KATNIP: variants seen among roughly 807,000 people sequenced by gnomAD.
The protein encoded by KATNIP is katanin-interacting protein.
KATNIP carries 126 observed loss-of-function variants against 174.0 expected under a neutral mutation model. That is an observed-to-expected ratio of 0.72 (90% CI 0.63 to 0.84). KATNIP has a LOEUF of 0.84. Among genes scored for constraint, KATNIP ranks in the 40% least tolerant of loss-of-function variants. KATNIP has a pLI of 0.00. For synonymous variants in KATNIP, 810 were observed against 835.7 expected, an observed-to-expected ratio of 0.97 and a Z score of 0.53; for missense variants, 1,958 against 2,109.7, an observed-to-expected ratio of 0.93 and a Z score of 1.41.
chr16:27,574,846 C>T (rs1410278730), intron 2 of KATNIP, among the ~76,000 whole-genome samples: 1 of 152,172 alleles, frequency 6.6e-6, no homozygotes, highest in African/African-American at 2.4e-5. Flanking sequence ...CCACCACACC[C>T]GGCCCCACTT....
At chr16:27,715,008 G>T (rs1350939555) in intron 13 of KATNIP, among the ~76,000 whole-genome samples, 1 of 152,164 alleles carries the variant, frequency 6.6e-6, no homozygotes, top group Non-Finnish European at 1.5e-5. Flanking sequence ...TATTGAAAAA[G>T]AATAAAGTAG....
At chr16:27,709,541 T>G (rs1377733491) in intron 13 of KATNIP, among the ~76,000 whole-genome samples, 2 of 152,178 alleles carry the variant, frequency 1.3e-5, no homozygotes, top group Non-Finnish European at 2.9e-5. Context: ...GAGAATCACT[T>G]GAACCCAGGA....
intron 12 of KATNIP, among the ~76,000 whole-genome samples, chr16:27,705,818 G>C (rs911170358): frequency 1.3e-5 from 2 of 152,060 alleles, no homozygotes; most frequent in African/African-American, 4.8e-5. Context: ...TGGGACTACA[G>C]GGGCCCCCCA....
intron 13 of KATNIP, 87 bp downstream of exon 13, chr16:27,709,007 A>T: frequency 1.9e-5 from 21 of 1,098,388 alleles, no homozygotes; most frequent in Non-Finnish European, 2.8e-5. Context: ...TAAGGGTATG[A>T]GTGGAGGGAG....
chr16:27,677,645 C>A (rs1462488541), intron 6 of KATNIP, 84 bp from the exon 7 acceptor site: 4 of 1,333,608 alleles, frequency 3.0e-6, no homozygotes, highest in Admixed American at 2.2e-5. Context: ...GAGAATAATT[C>A]TTTGGTTCAA....
At chr16:27,769,021 T>TG (rs1301481121) in intron 20 of KATNIP, among the ~76,000 whole-genome samples, 1 of 152,262 alleles carries the variant, frequency 6.6e-6, no homozygotes, top group Non-Finnish European at 1.5e-5. Context: ...AGGTGGTGGC[T>TG]GGGCCGCCTC....
At chr16:27,588,718 T>G (rs1389028133) in intron 2 of KATNIP, among the ~76,000 whole-genome samples, 1 of 152,106 alleles carries the variant, frequency 6.6e-6, no homozygotes, top group Non-Finnish European at 1.5e-5. Context: ...GCAAAATAAT[T>G]TGAGTACATT....
intron 14 of KATNIP, chr16:27,727,141 C>A (rs542672328): frequency 7.6e-4 from 132 of 173,832 alleles, no homozygotes; most frequent in Non-Finnish European, 1.4e-3. Context: ...AGTGTCATCG[C>A]CGGAGGCTTG....
chr16:27,721,482 A>G (rs964688169), intron 13 of KATNIP, 76 bp from the exon 14 acceptor site: 1 of 1,580,926 alleles, frequency 6.3e-7, no homozygotes, highest in Non-Finnish European at 8.7e-7. Context: ...TTCGTGAGCC[A>G]AAGAGCCGCT....
rs554527387 is a variant in KATNIP at position 27,559,127 on chromosome 16, G to A, written c.7+8950G>A. Among the ~76,000 whole-genome samples, 48 of 152,198 alleles carry A rather than the reference G, an allele frequency of 3.2e-4. 1 individual carries two copies. The highest frequency in any genetic ancestry group is 6.3e-4 in the Non-Finnish European group (43 of 68,032). ...GGAGTAGGCTAATGCAGAGCAATGT[G>A]GTTGGTTGCAAGGAAGAACTTGAAA... On this transcript the variant is annotated intron_variant, in intron 1 of 27. Coordinates refer to ENST00000261588, the MANE Select transcript of KATNIP (RefSeq NM_015202.5).
intron 2 of KATNIP, among the ~76,000 whole-genome samples, chr16:27,613,354 A>G (rs1048691994): frequency 6.6e-6 from 1 of 152,202 alleles, no homozygotes; most frequent in African/African-American, 2.4e-5. Context: ...GTGGAGATGG[A>G]TGGAAGTTTC....
chr16:27,649,393 AAGC>A (rs1295371390), intron 6 of KATNIP, among the ~76,000 whole-genome samples: 1 of 152,156 alleles, frequency 6.6e-6, no homozygotes, highest in Non-Finnish European at 1.5e-5. Flanking sequence ...TTCCTTCCAC[AAGC>A]ATTTGTTAAG....
At chr16:27,754,576 C>T (rs1228390796) in intron 18 of KATNIP, 2 of 297,918 alleles carry the variant, frequency 6.7e-6, no homozygotes, top group Non-Finnish European at 6.3e-6. Context: ...AAGTGTAGAA[C>T]AAGAGGACAT....
At chr16:27,635,847 A>G (rs989775747) in intron 5 of KATNIP, among the ~76,000 whole-genome samples, 3 of 152,178 alleles carry the variant, frequency 2.0e-5, no homozygotes, top group African/African-American at 7.2e-5. Context: ...TTAAATTAAC[A>G]AGATTTTATA....
intron 8 of KATNIP, among the ~76,000 whole-genome samples, chr16:27,692,702 G>T (rs1028035185): frequency 2.0e-5 from 3 of 152,152 alleles, no homozygotes; most frequent in Non-Finnish European, 4.4e-5. Context: ...AAATGACAGT[G>T]CGTCCCCTCC....
intron 2 of KATNIP, among the ~76,000 whole-genome samples, chr16:27,603,440 G>T (rs140423910): frequency 7.4e-4 from 112 of 152,268 alleles, no homozygotes; most frequent in Admixed American, 2.1e-3. Flanking sequence ...AGATAGAATT[G>T]GTTATATTCA....
At chr16:27,707,349 T>C (rs1483643858) in intron 12 of KATNIP, among the ~76,000 whole-genome samples, 1 of 152,172 alleles carries the variant, frequency 6.6e-6, no homozygotes, top group African/African-American at 2.4e-5. Context: ...ACGGTGGCCA[T>C]TTATTGATGG....
chr16:27,712,649 G>A (rs183690763), intron 13 of KATNIP, among the ~76,000 whole-genome samples: 40 of 152,218 alleles, frequency 2.6e-4, no homozygotes, highest in Middle Eastern at 3.4e-3. Context: ...TTCTGTGCCC[G>A]CACCATGTCT....
intron 6 of KATNIP, among the ~76,000 whole-genome samples, chr16:27,674,236 T>C (rs2142715027): frequency 6.6e-6 from 1 of 152,376 alleles, no homozygotes; most frequent in South Asian, 2.1e-4. Flanking sequence ...TATTTGCTGC[T>C]GTAACAACTT....
Sources: gnomAD v4.1 joint callset for allele counts (sites outside exome capture counted in the v4.1 genomes callset) on GRCh38, gnomAD v4.1.1 for gene constraint, MANE v1.5 for transcripts, NCBI Gene and HGNC (gene_info 2026-07-23, HGNC 2026-07-21) for gene names.